DNAH6: variants seen among roughly 807,000 people sequenced by gnomAD.
The protein encoded by DNAH6 is axonemal beta dynein heavy chain 6.
A neutral mutation model predicts 491.4 loss-of-function variants in DNAH6; 340 were observed. That is an observed-to-expected ratio of 0.69 (90% CI 0.63 to 0.76). DNAH6 has a LOEUF of 0.76. Ranked by LOEUF, DNAH6 falls within the 30% of genes least tolerant of loss-of-function variation. The probability of loss-of-function intolerance (pLI) is 0.00; values close to 1 mark genes in which losing one functional copy is unlikely to be tolerated. For missense variants in DNAH6, 4,443 were observed against 4,972.2 expected (o/e 0.89, Z 3.20); for synonymous variants, 1,603 against 1,686.1 (o/e 0.95, Z 1.21).
chr2:84,635,214 T>C (rs1688761233), intron 30 of DNAH6, among the ~76,000 whole-genome samples: 1 of 152,134 alleles, frequency 6.6e-6, no homozygotes, highest in Non-Finnish European at 1.5e-5. Context: ...ATTATCGCCC[T>C]CTGCAAAAAA....
chr2:84,547,661 A>C (rs183650948), intron 7 of DNAH6, 49 bp downstream of exon 7: 19 of 1,519,146 alleles, frequency 1.3e-5, no homozygotes, highest in Non-Finnish European at 1.7e-5. Flanking sequence ...GGCTTTCTAA[A>C]ATTTCAGCCC....
At chr2:84,549,438 G>A (rs1030775709) in intron 8 of DNAH6, among the ~76,000 whole-genome samples, 5 of 152,172 alleles carry the variant, frequency 3.3e-5, no homozygotes, top group Non-Finnish European at 5.9e-5. Flanking sequence ...GTAAGGAAAC[G>A]TAAAATTCAA....
intron 62 of DNAH6, among the ~76,000 whole-genome samples, chr2:84,740,211 T>A (rs1354987685): frequency 6.6e-6 from 1 of 152,160 alleles, no homozygotes; most frequent in African/African-American, 2.4e-5. Flanking sequence ...GGTTGTTTGT[T>A]GTAGCAATGT....
the DNAH6 span, among the ~76,000 whole-genome samples, chr2:84,472,827 G>C: frequency 6.6e-6 from 1 of 152,204 alleles, no homozygotes; most frequent in Non-Finnish European, 1.5e-5. Flanking sequence ...GAATGCCTTT[G>C]TTGTACTGCT....
chr2:84,676,736 C>A (rs1693266275), intron 40 of DNAH6, among the ~76,000 whole-genome samples: 2 of 152,200 alleles, frequency 1.3e-5, no homozygotes, highest in African/African-American at 4.8e-5. Flanking sequence ...TTTAGGATTA[C>A]AGTTTCACAT....
rs80288541 is a variant in DNAH6, at chr2:84,788,149, G to A, written c.11239+847G>A. Among the ~76,000 whole-genome samples the A allele has an allele frequency of 2.3e-3, 357 of 152,276 alleles. 2 individuals carry two copies. The highest frequency in any genetic ancestry group is 8.3e-3 in the African/African-American group (344 of 41,562). On this transcript the variant is annotated intron_variant, in intron 68 of 76. Transcript: ENST00000389394. ...AGAGTGAACCAATAGGGAAAGGCCT[G>A]GAATTTGGGAGGTTACTTTGTACTC...
the DNAH6 span, among the ~76,000 whole-genome samples, chr2:84,488,409 T>C: frequency 6.6e-6 from 1 of 151,114 alleles, no homozygotes; most frequent in Non-Finnish European, 1.5e-5. Flanking sequence ...AATAAAAAAA[T>C]TAAAAAAATT....
chr2:84,703,668 A>C, intron 50 of DNAH6, 106 bp downstream of exon 50: 1 of 1,073,924 alleles, frequency 9.3e-7, no homozygotes, highest in South Asian at 2.8e-5. Flanking sequence ...TTATTAAAAT[A>C]ATTAAGTGAT....
At chr2:84,540,193 C>G (rs1678109538) in intron 4 of DNAH6, among the ~76,000 whole-genome samples, 1 of 152,098 alleles carries the variant, frequency 6.6e-6, no homozygotes, top group Non-Finnish European at 1.5e-5. Context: ...GGAACAAAGA[C>G]AGATGTATGC....
chr2:84,786,206 G>T (rs11693624), intron 67 of DNAH6, among the ~76,000 whole-genome samples: 3,672 of 152,066 alleles, frequency 0.024, 73 homozygotes, highest in South Asian at 0.06. Context: ...TGGGCAATTC[G>T]CTTGAGCCCA....
At chr2:84,739,355 A>G (rs2105014936) in intron 62 of DNAH6, among the ~76,000 whole-genome samples, 1 of 152,272 alleles carries the variant, frequency 6.6e-6, no homozygotes, top group Non-Finnish European at 1.5e-5. Context: ...AGCATCTTAC[A>G]GAAGTTCTCT....
Position 84,796,306 on chromosome 2 carries a change from G to A in DNAH6, c.11240G>A (p.Gly3747Asp), listed in dbSNP as rs1235320167. ...IPWDALIYIT[G>D]EITYGGRVTD... The stretch of plus-strand genomic sequence containing the variant: ...TTTCAAAATACAAATTTCTTTTCAG[G>A]TGAAATTACTTATGGTGGTAGAGTC... Residue 3747 changes from glycine to aspartate, a missense_variant and splice_region_variant, in exon 69 of 77, where the codon GGT becomes GAT. By Grantham distance (94) the Gly-to-Asp change is moderately conservative (BLOSUM62 -1). Around this residue, in one of 3 missense-constraint regions of DNAH6, gnomAD observed 1,463 missense variants for 1,656.6 expected, o/e 0.88. Coordinates refer to ENST00000389394, the MANE Select transcript of DNAH6 (RefSeq NM_001370.2). 6.9e-7 allele frequency: 1 copy of A among 1,459,554 alleles called. No homozygotes were observed. The highest frequency in any genetic ancestry group is 9.1e-7 in the Non-Finnish European group (1 of 1,100,598). 90.4% of individuals were successfully genotyped at this position (1,459,554 alleles called of 1,614,324 possible). A position where few individuals can be genotyped will look rare whatever the true frequency, so the allele number is the denominator to read the frequency against.
rs78190897 is a variant in DNAH6 at position 84,697,699 on chromosome 2, T to C, written c.7649T>C (p.Val2550Ala). The C allele has an allele frequency of 0.16, 242,661 of 1,551,366 alleles. 19,734 individuals are homozygous for C. Among genetic ancestry groups the C allele is most frequent in the Middle Eastern group, 0.17 (1,018 of 5,994 alleles). The change falls in exon 47 of 77, where the codon GTA becomes GCA. Residue 2550 changes from valine to alanine, a missense_variant. By Grantham distance (64) the Val-to-Ala change is moderately conservative. Coordinates refer to ENST00000389394, the MANE Select transcript of DNAH6 (RefSeq NM_001370.2). ...GCCACCAGACCAAGAGCAAAAGAAG[T>C]AGGAATTTCTGAGGGGAACAGAGAC... ...LAATRPRAKE[V>A]GISEGNRDEV...
chr2:84,658,958 T>G (rs1691228216), intron 36 of DNAH6, 68 bp from the exon 37 acceptor site: 2 of 992,950 alleles, frequency 2.0e-6, no homozygotes, highest in Non-Finnish European at 1.4e-6. Context: ...ATCTTTACAC[T>G]TTGCAGCTTA....
At chr2:84,603,107 G>A (rs1685421214) in intron 18 of DNAH6, among the ~76,000 whole-genome samples, 1 of 151,786 alleles carries the variant, frequency 6.6e-6, no homozygotes, top group African/African-American at 2.4e-5. Flanking sequence ...TCTGATTATT[G>A]CCTTGCCTCT....
At position 84,653,318 on chromosome 2, in the gene DNAH6, G is replaced by A; in HGVS notation, c.5079-1G>A. ...AATTGATTTTATTTTTGTTTTGACA[G>A]TGGAATCATATCTGACCTTTTTCCT... On this transcript the variant is annotated splice_acceptor_variant, in intron 33 of 76. Transcript: ENST00000389394. LOFTEE classifies it high-confidence loss of function. 6.6e-7 allele frequency: 1 copy of A among 1,504,280 alleles called. No individual in the cohort carries two copies. Among genetic ancestry groups the A allele is most frequent in the Non-Finnish European group, 8.9e-7 (1 of 1,124,696 alleles). The allele number at this position is 1,504,280 out of a possible 1,614,324, so 93.2% of individuals were successfully genotyped here.
At chr2:84,623,716 G>A (rs752664798) in intron 26 of DNAH6, among the ~76,000 whole-genome samples, 6 of 152,258 alleles carry the variant, frequency 3.9e-5, no homozygotes, top group East Asian at 1.9e-4. Context: ...CCTCAGAGGC[G>A]CTGCTCTTCC....
chr2:84,768,864 A>G (rs1675340970), intron 64 of DNAH6, among the ~76,000 whole-genome samples: 2 of 152,228 alleles, frequency 1.3e-5, no homozygotes, highest in Non-Finnish European at 2.9e-5. Flanking sequence ...AAGGACCAAG[A>G]ATAACCAAGC....
Position 84,685,475 on chromosome 2 carries a change from A to G in DNAH6, c.7063+3A>G. 6.8e-7 allele frequency: 1 copy of G among 1,462,484 alleles called. No homozygotes were observed. Among genetic ancestry groups the G allele is most frequent in the Non-Finnish European group, 9.1e-7 (1 of 1,097,698 alleles). 90.6% of individuals were successfully genotyped at this position (1,462,484 alleles called of 1,614,324 possible). On this transcript the variant is annotated splice_donor_region_variant and intron_variant, in intron 43 of 76. Coordinates refer to ENST00000389394, the MANE Select transcript of DNAH6 (RefSeq NM_001370.2). ...TGTTATTCTGACAGAAATGGCCAGT[A>G]AATATGAATCTTTACCTATTCTTTT...
Sources: allele counts gnomAD v4.1 joint callset (sites outside exome capture counted in the v4.1 genomes callset), GRCh38; gene constraint gnomAD v4.1.1; regional missense constraint gnomAD v4.1.1; transcripts MANE v1.5; gene names NCBI Gene and HGNC (gene_info 2026-07-23, HGNC 2026-07-21).